The following TMOD4 variants were observed in gnomAD, a reference collection of about 807,000 sequenced individuals.
The protein encoded by TMOD4 is tropomodulin 4, also known as tropomodulin-4.
In TMOD4, 34 loss-of-function variants were observed where a neutral mutation model predicts 45.4. The observed-to-expected ratio is 0.75, with a 90% CI of 0.57 to 1.00. The LOEUF (loss-of-function observed/expected upper bound fraction) is 1.00, where lower values mean the gene tolerates loss of function less well. Ranked by LOEUF, TMOD4 falls within the 50% of genes least tolerant of loss-of-function variation. The pLI is 0.00. For missense variants in TMOD4, 399 were observed against 437.5 expected (o/e 0.91, Z 0.78); for synonymous variants, 131 against 153.9 (o/e 0.85, Z 1.10).
Position 151,172,270 on chromosome 1 carries a change from C to T in TMOD4, c.485G>A (p.Ser162Asn), listed in dbSNP as rs115496308. 42 of 1,612,772 alleles carry T rather than the reference C, an allele frequency of 2.6e-5. No individual in the cohort carries two copies. In the African/African-American group the frequency reaches 4.9e-4, roughly 19 times the overall value. ...CCATGCTCCCCAAACACACTCACTG[C>T]TAATGCCTTCAGTGTTGCAGATTTC... Reference protein sequence around the residue: ...SGEICNTEGISSVVQPDKYKP... With the variant: ...SGEICNTEGINSVVQPDKYKP... The change falls in exon 5 of 10, where the codon AGC (serine) becomes AAC (asparagine). Residue 162 changes from serine to asparagine, a missense_variant and splice_region_variant. By Grantham distance (46) the Ser-to-Asn change is conservative. Coordinates refer to ENST00000295314, the MANE Select transcript of TMOD4 (RefSeq NM_013353.3).
intron 9 of TMOD4, 34 bp downstream of exon 9, chr1:151,170,485 G>A: frequency 1.2e-6 from 2 of 1,612,612 alleles, no homozygotes; most frequent in Non-Finnish European, 8.5e-7. Context: ...GCACTTCCCT[G>A]ACCACTCCAC....
At position 151,170,016 on chromosome 1, in the gene TMOD4, G is replaced by T; in HGVS notation, c.*65C>A. 6.3e-7 allele frequency: 1 copy of T among 1,583,218 alleles called. No homozygotes were observed. Among genetic ancestry groups the T allele is most frequent in the South Asian group, 1.1e-5 (1 of 90,344 alleles). ...TAGAAGGGCTTTTATTTACAGGAAA[G>T]GAGGACAGATGAGGATTTAAGTGTC... On this transcript the variant is annotated 3_prime_UTR_variant, in exon 10 of 10. Coordinates refer to ENST00000295314, the MANE Select transcript of TMOD4 (RefSeq NM_013353.3).
chr1:151,174,391 C>T lies in TMOD4; in HGVS notation c.280G>A (p.Gly94Arg), dbSNP rs587745563. 51 of 1,613,954 alleles carry T rather than the reference C, an allele frequency of 3.2e-5. No individual in the cohort carries two copies. Among genetic ancestry groups the T allele is most frequent in the South Asian group, 1.1e-4 (10 of 91,064 alleles). Residue 94 changes from glycine (G) to arginine (R), a missense_variant and splice_region_variant, in exon 3 of 10, where the codon GGG becomes AGG. Gly to Arg is a moderately radical substitution (Grantham distance 125). Transcript: ENST00000295314. ...DLVPFTGEKK[G>R]KPYIQPKREI... The stretch of plus-strand genomic sequence containing the variant: ...GGCATGGATGTCAGGGTCCCCATAC[C>T]CTTCTTCTCGCCTGTGAAGGGCACC...
At chr1:151,175,006 A>G (rs587639475) in intron 1 of TMOD4, 89 bp from the exon 2 acceptor site, 4 of 1,002,092 alleles carry the variant, frequency 4.0e-6, no homozygotes, top group African/African-American at 3.2e-5. Flanking sequence ...GGGGCAGAAC[A>G]TTGGATTGGA....
rs587717738 is a variant in TMOD4, at chr1:151,174,032, A to G, written c.280+359T>C. 1.9e-3 allele frequency among the ~76,000 whole-genome samples: 293 copies of G among 151,776 alleles called. 1 individual carries two copies. Among genetic ancestry groups the G allele is most frequent in the African/African-American group, 6.2e-3 (256 of 41,434 alleles). On this transcript the variant is annotated intron_variant, in intron 3 of 9. Transcript: ENST00000295314. Reference sequence around the variant, plus strand: ...AGATCGAGACCATCCTGGCTAACACAGTGAAACCCCATCTCTACTAAAAAT... The same window carrying G: ...AGATCGAGACCATCCTGGCTAACACGGTGAAACCCCATCTCTACTAAAAAT...
At chr1:151,170,459 G>A in intron 9 of TMOD4, 60 bp downstream of exon 9, 2 of 1,603,536 alleles carry the variant, frequency 1.2e-6, no homozygotes, top group East Asian at 4.5e-5. Context: ...GCTTTCAGGA[G>A]GATCCACCAA....
chr1:151,173,913 C>CTGACAGCTTTCAGAGCACTGCT (rs1684028924), intron 3 of TMOD4, among the ~76,000 whole-genome samples: 1 of 152,002 alleles, frequency 6.6e-6, no homozygotes, highest in Non-Finnish European at 1.5e-5. Flanking sequence ...CCCATCTCTA[C>CTGACAGCTTTCAGAGCACTGCT]TAAAAATACA....
At chr1:151,175,873 C>G (rs1466817190) in intron 1 of TMOD4, 51 bp downstream of exon 1, 1 of 152,206 alleles carries the variant, frequency 6.6e-6, no homozygotes, top group Non-Finnish European at 1.5e-5. Flanking sequence ...CTCTTCTCCT[C>G]CCATCTCCCA....
At chr1:151,174,719 G>C (rs376509390) in intron 2 of TMOD4, 34 bp downstream of exon 2, 109 of 1,612,682 alleles carry the variant, frequency 6.8e-5, no homozygotes, top group Non-Finnish European at 9.0e-5. Context: ...AAATGCCTGG[G>C]ACTGCCTCTG....
At chr1:151,171,266 GAGAGT>G (rs1683945522) in intron 7 of TMOD4, among the ~76,000 whole-genome samples, 162 bp downstream of exon 7, 2 of 152,122 alleles carry the variant, frequency 1.3e-5, no homozygotes, top group African/African-American at 4.8e-5. Context: ...GGGTGTTAGA[GAGAGT>G]AGAGAGTTAT....
rs1246333521 is a variant in TMOD4 at position 151,171,690 on chromosome 1, T to C, written c.561A>G (p.Leu187=). ...CCTTGTCATTGCTTCGGACCCTCTT[T>C]AGTATCTCCTCAATGTTTGTGGGAT... is the stretch of plus-strand genomic sequence containing the variant. The part of the protein sequence containing the change: ...PPNPTNIEEI[L]KRVRSNDKEL... Residue 187 remains leucine (L), a synonymous_variant, in exon 6 of 10, where the codon CTA becomes CTG. Coordinates refer to ENST00000295314, the MANE Select transcript of TMOD4 (RefSeq NM_013353.3). 1 of 1,614,112 alleles carries C rather than the reference T, an allele frequency of 6.2e-7. No homozygotes were observed.
In TMOD4 at chr1:151,174,427, G is replaced by A. The variant is rs1218599038; in HGVS notation, c.244C>T (p.Arg82Cys). 4 of 1,614,088 alleles carry A rather than the reference G, an allele frequency of 2.5e-6. No individual in the cohort carries two copies. The highest frequency in any genetic ancestry group is 3.4e-6 in the Non-Finnish European group (4 of 1,180,016). Reference protein sequence around the residue: ...LEQQALEVKERDDLVPFTGEK... With the variant: ...LEQQALEVKECDDLVPFTGEK... ...CCTGTGAAGGGCACCAAGTCATCAC[G>A]CTCTTTGACTTCTAGTGCCTGTTGC... The change falls in exon 3 of 10, where the codon CGT becomes TGT. Residue 82 changes from arginine to cysteine, a missense_variant. Physicochemically the swap from Arg to Cys is radical, Grantham distance 180. Transcript: ENST00000295314.
chr1:151,173,385 A>G (rs1010617957), intron 4 of TMOD4, 114 bp downstream of exon 4: 5 of 740,926 alleles, frequency 6.7e-6, no homozygotes, highest in East Asian at 5.0e-5. Flanking sequence ...CTACTGCTTG[A>G]CGCTTTCTTA....
At chr1:151,174,677 T>G in intron 2 of TMOD4, 76 bp downstream of exon 2, 1 of 1,606,392 alleles carries the variant, frequency 6.2e-7, no homozygotes. Context: ...GCAAACCCTA[T>G]TCTCAGCCAC....
At chr1:151,171,566 G>A in intron 6 of TMOD4, 26 bp from the exon 7 acceptor site, 1 of 1,614,062 alleles carries the variant, frequency 6.2e-7, no homozygotes, top group Admixed American at 1.7e-5. Context: ...AGGAGATGGT[G>A]GGCTAAGGGA....
intron 4 of TMOD4, 80 bp from the exon 5 acceptor site, chr1:151,172,437 G>A (rs1053800409): frequency 3.4e-6 from 4 of 1,166,612 alleles, no homozygotes; most frequent in East Asian, 4.8e-5. Context: ...TTCTGAATCT[G>A]TTGCATTTGT....
intron 4 of TMOD4, among the ~76,000 whole-genome samples, chr1:151,172,737 ATTC>A (rs1683997321): frequency 6.6e-6 from 1 of 152,248 alleles, no homozygotes; most frequent in Middle Eastern, 3.4e-3. Flanking sequence ...GGTTCAAGCA[ATTC>A]TTCTGCCTCA....
At chr1:151,175,548 G>C (rs1305237029) in intron 1 of TMOD4, 2 of 152,288 alleles carry the variant, frequency 1.3e-5, no homozygotes, top group Admixed American at 1.3e-4. Flanking sequence ...GGGAAGGGTA[G>C]TAAGGCCTCT....
chr1:151,171,117 G>A, intron 7 of TMOD4, 54 bp from the exon 8 acceptor site: 2 of 1,585,136 alleles, frequency 1.3e-6, no homozygotes, highest in Non-Finnish European at 8.6e-7. Flanking sequence ...AGATGACTGA[G>A]GAAAGAAAGA....
Sources: gnomAD v4.1 joint callset for allele counts (sites outside exome capture counted in the v4.1 genomes callset) on GRCh38, gnomAD v4.1.1 for gene constraint, MANE v1.5 for transcripts, NCBI Gene and HGNC (gene_info 2026-07-23, HGNC 2026-07-21) for gene names.